The following VWA3B variants were observed in gnomAD, a reference collection of about 807,000 sequenced individuals.
VWA3B encodes the protein von Willebrand factor A domain containing 3B.
A neutral mutation model predicts 158.3 loss-of-function variants in VWA3B; 138 were observed. The observed-to-expected ratio is 0.87, with a 90% CI of 0.76 to 1.00. The LOEUF (loss-of-function observed/expected upper bound fraction) is 1.00, where lower values mean the gene tolerates loss of function less well. VWA3B is among the 50% of genes least tolerant of loss of function. The probability of loss-of-function intolerance (pLI) is 0.00; values close to 1 mark genes in which losing one functional copy is unlikely to be tolerated. For synonymous variants in VWA3B, 596 were observed against 587.3 expected (o/e 1.01, Z -0.21); for missense variants, 1,555 against 1,565.1 (o/e 0.99, Z 0.11).
intron 7 of VWA3B, among the ~76,000 whole-genome samples, chr2:98,140,301 G>A (rs910184175): frequency 6.6e-6 from 1 of 152,210 alleles, no homozygotes; most frequent in African/African-American, 2.4e-5. Context: ...TCCCATCCAG[G>A]AATGCTCACC....
chr2:98,089,078 C>A (rs966178405), intron 1 of VWA3B, among the ~76,000 whole-genome samples: 1 of 152,100 alleles, frequency 6.6e-6, no homozygotes, highest in Non-Finnish European at 1.5e-5. Flanking sequence ...CCGTGCCCGG[C>A]CAATATATCC....
chr2:98,212,097 T>C, intron 13 of VWA3B, 69 bp downstream of exon 13: 1 of 1,429,300 alleles, frequency 7.0e-7, no homozygotes, highest in South Asian at 1.2e-5. Context: ...GAAATGGGTC[T>C]GGGGGACCTT....
At chr2:98,320,496 G>A in the VWA3B span, among the ~76,000 whole-genome samples, 4 of 152,194 alleles carry the variant, frequency 2.6e-5, no homozygotes, top group African/African-American at 9.7e-5. Flanking sequence ...ACAGGAAAAT[G>A]TTGGAAAGTT....
chr2:98,280,183 CTTTG>C (rs972869095), intron 22 of VWA3B, among the ~76,000 whole-genome samples: 4 of 152,090 alleles, frequency 2.6e-5, no homozygotes, highest in East Asian at 1.9e-4. Context: ...ATTTTTCTCT[CTTTG>C]TTTGTTTGTG....
At chr2:98,321,499 T>A in the VWA3B span, among the ~76,000 whole-genome samples, 1 of 152,220 alleles carries the variant, frequency 6.6e-6, no homozygotes, top group Non-Finnish European at 1.5e-5. Context: ...AAGTCCCCCT[T>A]GTGGCAGAGC....
At chr2:98,203,099 G>A (rs1197524788) in intron 12 of VWA3B, among the ~76,000 whole-genome samples, 1 of 152,184 alleles carries the variant, frequency 6.6e-6, no homozygotes, top group African/African-American at 2.4e-5. Flanking sequence ...CCAAAGTGCT[G>A]GGATTACAGG....
intron 7 of VWA3B, among the ~76,000 whole-genome samples, chr2:98,152,385 C>A (rs1229453639): frequency 1.3e-5 from 2 of 152,202 alleles, no homozygotes; most frequent in Admixed American, 6.5e-5. Context: ...GGGGAAGGAA[C>A]TTTAACTGCT....
intron 7 of VWA3B, among the ~76,000 whole-genome samples, chr2:98,145,223 T>A (rs1243648980): frequency 6.6e-6 from 1 of 152,232 alleles, no homozygotes; most frequent in African/African-American, 2.4e-5. Flanking sequence ...TTGGATTGTA[T>A]CTTTAAATAT....
In VWA3B at chr2:98,119,878, T is replaced by C. The variant is rs1674834553; in HGVS notation, c.542+115T>C. 1.6e-5 allele frequency: 20 copies of C among 1,281,018 alleles called. No homozygotes were observed. The South Asian group carries it at 2.5e-4, about 16-fold the overall frequency. 79.4% of individuals were successfully genotyped at this position (1,281,018 alleles called of 1,614,324 possible). ...CTCTCTGGTGAGGGAAGAGGCATTA[T>C]CTTATACTTTCCTAGAAGATGTAAT... is the stretch of plus-strand genomic sequence containing the variant. On this transcript the variant is annotated intron_variant, in intron 4 of 27. Transcript: ENST00000477737.
chr2:98,192,946 T>A lies in VWA3B; in HGVS notation c.1515T>A (p.His505Gln), dbSNP rs754038382. Residue 505 changes from histidine to glutamine, a missense_variant, in exon 11 of 28, where the codon CAT becomes CAA. His to Gln is a conservative substitution (Grantham distance 24). Transcript: ENST00000477737. ...DGSQSLFGRLHNDCIYILIDT... is the reference protein window; with the variant it reads ...DGSQSLFGRLQNDCIYILIDT... Reference sequence around the variant, plus strand: ...GTCAAAGCCTCTTTGGAAGATTGCATAATGATTGCATCTACATTCTCATTG... The same window carrying A: ...GTCAAAGCCTCTTTGGAAGATTGCAAAATGATTGCATCTACATTCTCATTG... 13 of 1,614,208 alleles carry A rather than the reference T, an allele frequency of 8.1e-6. 1 individual carries two copies. In the South Asian group the frequency reaches 9.9e-5, roughly 12 times the overall value.
downstream of VWA3B, among the ~76,000 whole-genome samples, chr2:98,314,185 G>A (rs996658304): frequency 5.9e-5 from 9 of 152,198 alleles, no homozygotes; most frequent in African/African-American, 2.2e-4. Flanking sequence ...TGAGGAGATG[G>A]AAATGGAATT....
At chr2:98,297,373 C>T (rs1015361912) in intron 23 of VWA3B, among the ~76,000 whole-genome samples, 6 of 152,162 alleles carry the variant, frequency 3.9e-5, no homozygotes, top group African/African-American at 9.7e-5. Flanking sequence ...TGAGCCACCA[C>T]GCCCAGCCTT....
intron 7 of VWA3B, among the ~76,000 whole-genome samples, chr2:98,135,319 A>ATTT (rs1676179357): frequency 1.9e-5 from 2 of 106,452 alleles, no homozygotes; most frequent in Admixed American, 9.6e-5. Flanking sequence ...ATACAAAAAC[A>ATTT]TTTTTCTTTT....
intron 27 of VWA3B, 73 bp from the exon 28 acceptor site, chr2:98,312,127 T>C (rs769281642): frequency 6.2e-7 from 1 of 1,613,788 alleles, no homozygotes; most frequent in East Asian, 2.2e-5. Context: ...TCCTTCAGAT[T>C]CTGGGCCTGT....
chr2:98,273,353 G>A (rs753398626), intron 22 of VWA3B, among the ~76,000 whole-genome samples: 13 of 152,140 alleles, frequency 8.5e-5, no homozygotes, highest in African/African-American at 1.2e-4. Context: ...AGTGTCAAAA[G>A]CTATGTCTTT....
At chr2:98,215,754 G>A (rs1461964328) in intron 13 of VWA3B, among the ~76,000 whole-genome samples, 1 of 152,042 alleles carries the variant, frequency 6.6e-6, no homozygotes. Flanking sequence ...CTGACCTTGT[G>A]ATCTGCCCAC....
In VWA3B at chr2:98,133,942, A is replaced by G. The variant is rs759076248; in HGVS notation, c.988+3A>G. 1.8e-5 allele frequency: 29 copies of G among 1,613,374 alleles called. No homozygotes were observed. Among genetic ancestry groups the G allele is most frequent in the Non-Finnish European group, 2.3e-5 (27 of 1,179,416 alleles). On this transcript the variant is annotated splice_donor_region_variant and intron_variant, in intron 7 of 27. Coordinates refer to ENST00000477737, the MANE Select transcript of VWA3B (RefSeq NM_144992.5). ...ACTGAAAGGAAAACTCCCTCCAGGT[A>G]CCTGGAATCCAAAAGAAGTGGTGTA...
At chr2:98,196,055 C>A (rs1399012039) in intron 12 of VWA3B, among the ~76,000 whole-genome samples, 2 of 152,132 alleles carry the variant, frequency 1.3e-5, no homozygotes, top group Non-Finnish European at 2.9e-5. Context: ...TATGTAGAAT[C>A]TAAAAATGTT....
At chr2:98,087,915 C>T (rs72946905) in intron 1 of VWA3B, among the ~76,000 whole-genome samples, 16,850 of 152,194 alleles carry the variant, frequency 0.11, 1,229 homozygotes, top group African/African-American at 0.21. Flanking sequence ...AGCTCTGTTT[C>T]TTCTCAGCAA....
Sources: gnomAD v4.1 joint callset for allele counts (sites outside exome capture counted in the v4.1 genomes callset) on GRCh38, gnomAD v4.1.1 for gene constraint, MANE v1.5 for transcripts, NCBI Gene and HGNC (gene_info 2026-07-23, HGNC 2026-07-21) for gene names.